The following CD248 variants were observed in gnomAD, a reference collection of about 807,000 sequenced individuals.
CD248 encodes the protein endosialin.
A neutral mutation model predicts 8.0 loss-of-function variants in CD248; 7 were observed. That is an observed-to-expected ratio of 0.88 (90% CI 0.50 to 1.64). The LOEUF (loss-of-function observed/expected upper bound fraction) is 1.64, where lower values mean the gene tolerates loss of function less well. Ranked by LOEUF, CD248 falls within the 40% of genes most tolerant of loss-of-function variation. The pLI, the probability that CD248 is intolerant of heterozygous loss-of-function variation, is 0.00. For synonymous variants in CD248, 418 were observed against 437.1 expected, an observed-to-expected ratio of 0.96 and a Z score of 0.54; for missense variants, 912 against 1,027.2, an observed-to-expected ratio of 0.89 and a Z score of 1.53.
chr11:66,315,143 G>A lies in CD248; in HGVS notation c.1885C>T (p.Gln629Ter). ...TGTGTAGGGCTGATGGGTGAGGTCT[G>A]GTTAGTGGGGCTCTGAGAGGGCAGG... ...TLLPSQSPTN[Q>*]TSPISPTHPH... Residue 629 changes from glutamine to a stop codon, truncating the protein, a stop_gained, in exon 1 of 1, where the codon CAG becomes TAG. Transcript: ENST00000311330. LOFTEE classifies it high-confidence loss of function. The surrounding 1 kb of genome is among the most constrained non-coding windows in gnomAD (Gnocchi z 4.3). 6.5e-7 allele frequency: 1 copy of A among 1,532,892 alleles called. No homozygotes were observed. Among genetic ancestry groups the A allele is most frequent in the Non-Finnish European group, 8.8e-7 (1 of 1,141,478 alleles). 95.0% of individuals were successfully genotyped at this position (1,532,892 alleles called of 1,614,324 possible).
At position 66,315,912 on chromosome 11, in the gene CD248, C is replaced by T. The variant is rs955292296; in HGVS notation, c.1116G>A (p.Gly372=). 1 of 1,613,616 alleles carries T rather than the reference C, an allele frequency of 6.2e-7. No individual in the cohort carries two copies. Residue 372 remains glycine, a synonymous_variant, in exon 1 of 1, where the codon GGG becomes GGA. Transcript: ENST00000311330. This position sits in a 1 kb window ranked among gnomAD's most constrained non-coding sequence, Gnocchi z 4.3. ...QDLGDELLDD[G]EDEEDEDEAW... ...CCTCGTCTTCATCTTCCTCATCCTCCCCGTCATCCAGCAACTCATCTCCGA... is the reference window on the plus strand; with the variant it reads ...CCTCGTCTTCATCTTCCTCATCCTCTCCGTCATCCAGCAACTCATCTCCGA...
In CD248 at chr11:66,314,902, T is replaced by G; in HGVS notation, c.2126A>C (p.Tyr709Ser). 2 of 1,612,716 alleles carry G rather than the reference T, an allele frequency of 1.2e-6. No homozygotes were observed. Among genetic ancestry groups the G allele is most frequent in the African/African-American group, 2.7e-5 (2 of 75,012 alleles). ...TGCATGGGGGCCACAGCGGGTGCAGTACACGATGCCCAGTGCAAGCAGGAC... is the reference window on the plus strand; with the variant it reads ...TGCATGGGGGCCACAGCGGGTGCAGGACACGATGCCCAGTGCAAGCAGGAC... ...LVVLLALGIV[Y>S]CTRCGPHAPN... Residue 709 changes from tyrosine to serine, a missense_variant, in exon 1 of 1, where the codon TAC becomes TCC. By Grantham distance (144) the Tyr-to-Ser change is moderately radical. Transcript: ENST00000311330. The surrounding 1 kb of genome is among the most constrained non-coding windows in gnomAD (Gnocchi z 4.0).
In CD248 at chr11:66,316,586, T is replaced by A; in HGVS notation, c.442A>T (p.Thr148Ser). The A allele has an allele frequency of 6.2e-7, 1 of 1,601,376 alleles. No individual in the cohort carries two copies. Among genetic ancestry groups the A allele is most frequent in the Non-Finnish European group, 8.5e-7 (1 of 1,179,376 alleles). The change falls in exon 1 of 1, where the codon ACG becomes TCG. Residue 148 changes from threonine (T) to serine (S), a missense_variant. Coordinates refer to ENST00000311330, the MANE Select transcript of CD248 (RefSeq NM_020404.3). ...CACAGGTAGCCGTCGACAGCCAGCG[T>A]GCACGAGCCCTCCAGCCAGCGGTGC... is the stretch of plus-strand genomic sequence containing the variant. ...GEHRWLEGSCTLAVDGYLCQF... is the reference protein window; with the variant it reads ...GEHRWLEGSCSLAVDGYLCQF...
rs145822705 is a variant in CD248, at chr11:66,315,433, A to T, written c.1595T>A (p.Met532Lys). 4.7e-5 allele frequency: 76 copies of T among 1,613,352 alleles called. No homozygotes were observed. In the African/African-American group the frequency reaches 9.1e-4, roughly 19 times the overall value. ...GCCAGCGACCCGGGTGTCTGGAAAC[A>T]TGGGGGACTGGTGGGCAGGGAAGAG... ...PELFPAHQSP[M>K]FPDTRVAGTQ... Residue 532 changes from methionine (M) to lysine (K), a missense_variant, in exon 1 of 1, where the codon ATG becomes AAG. By Grantham distance (95) the Met-to-Lys change is moderately conservative. This residue lies in a region of CD248 where 507 missense variants were observed against 562.2 expected (regional missense o/e 0.90). Transcript: ENST00000311330. The surrounding 1 kb of genome is among the most constrained non-coding windows in gnomAD (Gnocchi z 4.3).
In CD248 at chr11:66,315,068, T is replaced by C; in HGVS notation, c.1960A>G (p.Lys654Glu). Residue 654 changes from lysine (K) to glutamate (E), a missense_variant, in exon 1 of 1, where the codon AAG becomes GAG. This residue lies in a region of CD248 where 507 missense variants were observed against 562.2 expected (regional missense o/e 0.90). Coordinates refer to ENST00000311330, the MANE Select transcript of CD248 (RefSeq NM_020404.3). The surrounding 1 kb of genome is among the most constrained non-coding windows in gnomAD (Gnocchi z 4.3). ...QIPREDGPSP[K>E]LALWLPSPAP... ...GGTGAGGGCAGCCACAGGGCCAACT[T>C]GGGACTGGGGCCATCTTCCCTTGGG... The C allele has an allele frequency of 6.4e-7, 1 of 1,572,478 alleles. No individual in the cohort carries two copies. Among genetic ancestry groups the C allele is most frequent in the South Asian group, 1.2e-5 (1 of 83,672 alleles).
rs768605522 is a variant in CD248 at position 66,316,214 on chromosome 11, C to G, written c.814G>C (p.Glu272Gln). Residue 272 changes from glutamate (E) to glutamine (Q), a missense_variant, in exon 1 of 1, where the codon GAG (glutamate) becomes CAG (glutamine). Coordinates refer to ENST00000311330, the MANE Select transcript of CD248 (RefSeq NM_020404.3). ...FRLAADGRSCEDPCAQAPCEQ... is the reference protein window; with the variant it reads ...FRLAADGRSCQDPCAQAPCEQ... Reference sequence around the variant, plus strand: ...CACGGAGCCTGGGCACAGGGGTCCTCGCAACTGCGCCCGTCTGCTGCCAGC... The same window carrying G: ...CACGGAGCCTGGGCACAGGGGTCCTGGCAACTGCGCCCGTCTGCTGCCAGC... 9.3e-6 allele frequency: 15 copies of G among 1,613,068 alleles called. No homozygotes were observed. Among genetic ancestry groups the G allele is most frequent in the Non-Finnish European group, 1.3e-5 (15 of 1,179,930 alleles).
In CD248 at chr11:66,315,596, G is replaced by C. The variant is rs770613673; in HGVS notation, c.1432C>G (p.Arg478Gly). ...GCGATCACGGGGATCTGGTGGTCAC[G>C]GGACAAAGCTGGGTGTGTGGCAGGG... ...VIPATHPALS[R>G]DHQIPVIAAN... The change falls in exon 1 of 1, where the codon CGT becomes GGT. Residue 478 changes from arginine (R) to glycine (G), a missense_variant. This residue lies in a region of CD248 where 507 missense variants were observed against 562.2 expected (regional missense o/e 0.90). Transcript: ENST00000311330. The surrounding 1 kb of genome is among the most constrained non-coding windows in gnomAD (Gnocchi z 4.3). 1.2e-6 allele frequency: 2 copies of C among 1,613,932 alleles called. No homozygotes were observed. Among genetic ancestry groups the C allele is most frequent in the South Asian group, 2.2e-5 (2 of 91,068 alleles).
Position 66,316,164 on chromosome 11 carries a change from C to T in CD248, c.864G>A (p.Gly288=), listed in dbSNP as rs148994310. The stretch of plus-strand genomic sequence containing the variant: ...GACAGTGGCAGCTGTAGCCTTGTGG[C>T]CCACCGGGCTCACACTGCTGCTCGC... ...APCEQQCEPG[G]PQGYSCHCRL... is the part of the protein sequence containing the mutation. Residue 288 remains glycine, a synonymous_variant, in exon 1 of 1, where the codon GGG becomes GGA. Coordinates refer to ENST00000311330, the MANE Select transcript of CD248 (RefSeq NM_020404.3). 1 of 1,612,098 alleles carries T rather than the reference C, an allele frequency of 6.2e-7. No homozygotes were observed. Among genetic ancestry groups the T allele is most frequent in the African/African-American group, 1.3e-5 (1 of 75,064 alleles).
Position 66,315,357 on chromosome 11 carries a change from C to T in CD248, c.1671G>A (p.Leu557=), listed in dbSNP as rs754533366. ...GTAGCTGGGCACCGAGGGTGGTGAC[C>T]AGAGGGGCATGGTTAGGTGGGATTC... ...LPGIPPNHAP[L]VTTLGAQLPP... The change falls in exon 1 of 1, where the codon CTG becomes CTA. Residue 557 remains leucine (L), a synonymous_variant. Transcript: ENST00000311330. This position sits in a 1 kb window ranked among gnomAD's most constrained non-coding sequence, Gnocchi z 4.3. 6.3e-7 allele frequency: 1 copy of T among 1,597,194 alleles called. No homozygotes were observed. Among genetic ancestry groups the T allele is most frequent in the South Asian group, 1.1e-5 (1 of 88,366 alleles).
chr11:66,316,535 G>A lies in CD248; in HGVS notation c.493C>T (p.Pro165Ser), dbSNP rs1854552311. 1.3e-6 allele frequency: 2 copies of A among 1,599,340 alleles called. No homozygotes were observed. Among genetic ancestry groups the A allele is most frequent in the Non-Finnish European group, 1.7e-6 (2 of 1,179,346 alleles). Residue 165 changes from proline to serine, a missense_variant, in exon 1 of 1, where the codon CCG becomes TCG. Pro to Ser is a moderately conservative substitution (Grantham distance 74, BLOSUM62 -1). Transcript: ENST00000311330. ...LCQFGFEGAC[P>S]ALQDEAGQAG... is the part of the protein sequence containing the mutation. ...TGGCCCGCCTCATCTTGCAGCGCCG[G>A]GCAGGCGCCCTCGAAGCCAAACTGG...
chr11:66,315,890 C>G lies in CD248; in HGVS notation c.1138G>C (p.Glu380Gln). ...CCACCGTTGAAGGCCTTCCAGGCCTCGTCTTCATCTTCCTCATCCTCCCCG... is the reference window on the plus strand; with the variant it reads ...CCACCGTTGAAGGCCTTCCAGGCCTGGTCTTCATCTTCCTCATCCTCCCCG... Reference protein sequence around the residue: ...DDGEDEEDEDEAWKAFNGGWT... With the variant: ...DDGEDEEDEDQAWKAFNGGWT... The change falls in exon 1 of 1, where the codon GAG (glutamate) becomes CAG (glutamine). Residue 380 changes from glutamate (E) to glutamine (Q), a missense_variant. Glu to Gln is a conservative substitution (Grantham distance 29, BLOSUM62 2). Transcript: ENST00000311330. This position sits in a 1 kb window ranked among gnomAD's most constrained non-coding sequence, Gnocchi z 4.3. 3 of 1,613,838 alleles carry G rather than the reference C, an allele frequency of 1.9e-6. No homozygotes were observed. The highest frequency in any genetic ancestry group is 2.5e-6 in the Non-Finnish European group (3 of 1,180,002).
chr11:66,316,977 G>A lies in CD248; in HGVS notation c.51C>T (p.Gly17=), dbSNP rs938425939. 2 of 1,521,330 alleles carry A rather than the reference G, an allele frequency of 1.3e-6. No homozygotes were observed. Among genetic ancestry groups the A allele is most frequent in the African/African-American group, 1.4e-5 (1 of 70,280 alleles). 94.2% of individuals were successfully genotyped at this position (1,521,330 alleles called of 1,614,324 possible). ...GGGGCTCAGCAGCCCAGGGGTCCTGGCCCAGTGTGGGCCCTGCGGCCGCCC... is the reference window on the plus strand; with the variant it reads ...GGGGCTCAGCAGCCCAGGGGTCCTGACCCAGTGTGGGCCCTGCGGCCGCCC... ...LAWAAAGPTL[G]QDPWAAEPRA... Residue 17 remains glycine, a synonymous_variant, in exon 1 of 1, where the codon GGC becomes GGT. Coordinates refer to ENST00000311330, the MANE Select transcript of CD248 (RefSeq NM_020404.3).
rs547491652 is a variant in CD248, at chr11:66,316,107, C to T, written c.921G>A (p.Pro307=). ...ACTCATCTGTGTCCACACAGCGGTG[C>T]GGATCATCCTCCGCTGGCCGGAAAC... ...RLGFRPAEDD[P]HRCVDTDECQ... The change falls in exon 1 of 1, where the codon CCG becomes CCA. Residue 307 remains proline (P), a synonymous_variant. Coordinates refer to ENST00000311330, the MANE Select transcript of CD248 (RefSeq NM_020404.3). The T allele has an allele frequency of 1.5e-5, 24 of 1,613,408 alleles. No individual in the cohort carries two copies. The highest frequency in any genetic ancestry group is 4.5e-5 in the East Asian group (2 of 44,896).
At position 66,316,940 on chromosome 11, in the gene CD248, C is replaced by T. The variant is rs988740385; in HGVS notation, c.88G>A (p.Gly30Ser). Reference sequence around the variant, plus strand: ...AAGAGAGCGTAGCAGCTGCTGGGGCCGCAGGCGGCACGGGGCTCAGCAGCC... The same window carrying T: ...AAGAGAGCGTAGCAGCTGCTGGGGCTGCAGGCGGCACGGGGCTCAGCAGCC... ...PWAAEPRAAC[G>S]PSSCYALFPR... The change falls in exon 1 of 1, where the codon GGC becomes AGC. Residue 30 changes from glycine (G) to serine (S), a missense_variant. Transcript: ENST00000311330. The T allele has an allele frequency of 4.5e-6, 7 of 1,551,486 alleles. No individual in the cohort carries two copies. The highest frequency in any genetic ancestry group is 5.2e-6 in the Non-Finnish European group (6 of 1,159,954).
rs1485866067 is a variant in CD248, at chr11:66,315,579, G to A, written c.1449C>T (p.Pro483=). ...GATCTGGATAGTTGGCTGCGATCAC[G>A]GGGATCTGGTGGTCACGGGACAAAG... ...HPALSRDHQI[P]VIAANYPDLP... is the part of the protein sequence containing the mutation. Residue 483 remains proline, a synonymous_variant, in exon 1 of 1, where the codon CCC becomes CCT. Transcript: ENST00000311330. The surrounding 1 kb of genome is among the most constrained non-coding windows in gnomAD (Gnocchi z 4.3). 2.5e-6 allele frequency: 4 copies of A among 1,613,962 alleles called. No individual in the cohort carries two copies. The highest frequency in any genetic ancestry group is 1.3e-5 in the African/African-American group (1 of 74,984).
Position 66,315,386 on chromosome 11 carries a change from G to A in CD248, c.1642C>T (p.Pro548Ser). ...GGGGCATGGTTAGGTGGGATTCCAG[G>A]CAAATGAGTGGTGGTCTGGGTGCCA... ...VAGTQTTTHL[P>S]GIPPNHAPLV... Residue 548 changes from proline (P) to serine (S), a missense_variant, in exon 1 of 1, where the codon CCT becomes TCT. Pro to Ser is a moderately conservative substitution (Grantham distance 74). Transcript: ENST00000311330. The surrounding 1 kb of genome is among the most constrained non-coding windows in gnomAD (Gnocchi z 4.3). 6.2e-7 allele frequency: 1 copy of A among 1,610,068 alleles called. No homozygotes were observed. The highest frequency in any genetic ancestry group is 8.5e-7 in the Non-Finnish European group (1 of 1,177,366).
At position 66,315,096 on chromosome 11, in the gene CD248, T is replaced by G. The variant is rs1434739928; in HGVS notation, c.1932A>C (p.Gln644His). 1 of 1,556,554 alleles carries G rather than the reference T, an allele frequency of 6.4e-7. No individual in the cohort carries two copies. The highest frequency in any genetic ancestry group is 2.3e-5 in the East Asian group (1 of 44,426). Residue 644 changes from glutamine to histidine, a missense_variant, in exon 1 of 1, where the codon CAA (glutamine) becomes CAC (histidine). This residue lies in a region of CD248 where 507 missense variants were observed against 562.2 expected (regional missense o/e 0.90). Transcript: ENST00000311330. The surrounding 1 kb of genome is among the most constrained non-coding windows in gnomAD (Gnocchi z 4.3). ...SPTHPHSKAP[Q>H]IPREDGPSPK... is the part of the protein sequence containing the mutation. ...GACTGGGGCCATCTTCCCTTGGGAT[T>G]TGGGGGGCTTTGGAATGGGGATGTG...
At position 66,315,260 on chromosome 11, in the gene CD248, G is replaced by A. The variant is rs779479775; in HGVS notation, c.1768C>T (p.Pro590Ser). Residue 590 changes from proline to serine, a missense_variant, in exon 1 of 1, where the codon CCC (proline) becomes TCC (serine). Physicochemically the swap from Pro to Ser is moderately conservative, Grantham distance 74. This residue lies in a region of CD248 where 507 missense variants were observed against 562.2 expected (regional missense o/e 0.90). Coordinates refer to ENST00000311330, the MANE Select transcript of CD248 (RefSeq NM_020404.3). The surrounding 1 kb of genome is among the most constrained non-coding windows in gnomAD (Gnocchi z 4.3). The stretch of plus-strand genomic sequence containing the variant: ...GACCTGGAGGTGGTGGTCAGAGAGG[G>A]CTGGGCAGTTGGGATAATGGGAAGC... The part of the protein sequence containing the change: ...TQLPIIPTAQ[P>S]SLTTTSRSPV... 17 of 1,537,554 alleles carry A rather than the reference G, an allele frequency of 1.1e-5. No individual in the cohort carries two copies. Among genetic ancestry groups the A allele is most frequent in the Non-Finnish European group, 1.4e-5 (16 of 1,142,924 alleles).
At position 66,315,699 on chromosome 11, in the gene CD248, TGAG is replaced by T. The variant is rs3832786; in HGVS notation, c.1326_1328del (p.Ser443del). 2,714 of 1,612,598 alleles carry T rather than the reference TGAG, an allele frequency of 1.7e-3. 38 individuals are homozygous for T. In the East Asian group the frequency reaches 0.033, roughly 20 times the overall value. On this transcript the variant is annotated inframe_deletion, in exon 1 of 1. Coordinates refer to ENST00000311330, the MANE Select transcript of CD248 (RefSeq NM_020404.3). This position sits in a 1 kb window ranked among gnomAD's most constrained non-coding sequence, Gnocchi z 4.3. Reference sequence around the variant, plus strand: ...CCACAGGCCGGGTGACGGAGAGCACTGAGGAGTGGTAGGGGACCCTGGGGGCAC... The same window carrying T: ...CCACAGGCCGGGTGACGGAGAGCACTGAGTGGTAGGGGACCCTGGGGGCAC...
Sources: allele counts gnomAD v4.1 joint callset, GRCh38; gene constraint gnomAD v4.1.1; regional missense constraint gnomAD v4.1.1; non-coding constraint Gnocchi (gnomAD v3.1); transcripts MANE v1.5; gene names NCBI Gene and HGNC (gene_info 2026-07-23, HGNC 2026-07-21).